ISY1: variants seen among roughly 807,000 people sequenced by gnomAD.
ISY1 encodes the protein pre-mRNA-splicing factor ISY1 homolog.
ISY1 carries 12 observed loss-of-function variants against 54.4 expected under a neutral mutation model. The ratio of observed to expected loss-of-function variants is 0.22; its 90% CI spans 0.14 to 0.36. ISY1 has a LOEUF of 0.36. ISY1 is among the 10% of genes least tolerant of loss of function. The pLI, the probability that ISY1 is intolerant of heterozygous loss-of-function variation, is 1.00. For synonymous variants in ISY1, 96 were observed against 117.9 expected, an observed-to-expected ratio of 0.81 and a Z score of 1.20; for missense variants, 282 against 342.2, an observed-to-expected ratio of 0.82 and a Z score of 1.39.
At chr3:129,139,236 T>A (rs891756039) in intron 7 of ISY1, among the ~76,000 whole-genome samples, 1 of 151,982 alleles carries the variant, frequency 6.6e-6, no homozygotes, top group South Asian at 2.1e-4. Context: ...CGCCTGGCTA[T>A]AACTCCTCTG....
chr3:129,159,269 C>T (rs769271959), intron 1 of ISY1, 93 bp from the exon 2 acceptor site: 2 of 1,503,450 alleles, frequency 1.3e-6, no homozygotes, highest in African/African-American at 2.8e-5. Flanking sequence ...TACAAGAATA[C>T]AATCACAAGC....
intron 7 of ISY1, among the ~76,000 whole-genome samples, chr3:129,135,293 G>A (rs1039914152): frequency 2.6e-5 from 4 of 151,934 alleles, no homozygotes; most frequent in Non-Finnish European, 5.9e-5. Context: ...GCAGTGAGCC[G>A]AGATCACGCC....
In ISY1 at chr3:129,145,224, A is replaced by AT. The variant is rs35391482; in HGVS notation, c.300+536dup. On this transcript the variant is annotated intron_variant, in intron 6 of 10. Transcript: ENST00000393295. ...CTGCACCCAGTGAAGGACCATAGTC[A>AT]TTTTTTTTTTTTTTTTTGAAGACAG... Among the ~76,000 whole-genome samples the AT allele has an allele frequency of 1.5e-3, 205 of 137,356 alleles. 3 individuals carry two copies. Among genetic ancestry groups the AT allele is most frequent in the African/African-American group, 5.1e-3 (191 of 37,536 alleles). The allele number at this position is 137,356 out of a possible 152,430, so 90.1% of individuals were successfully genotyped here. A position where few individuals can be genotyped will look rare whatever the true frequency, so the allele number is the denominator to read the frequency against.
intron 9 of ISY1, 148 bp downstream of exon 9, chr3:129,133,926 T>A: frequency 1.4e-6 from 2 of 1,394,952 alleles, no homozygotes; most frequent in Non-Finnish European, 1.9e-6. Flanking sequence ...CCTCCTGTAA[T>A]CTCGCAAGTG....
intron 1 of ISY1, 123 bp from the exon 2 acceptor site, chr3:129,159,299 A>G: frequency 7.9e-7 from 1 of 1,258,820 alleles, no homozygotes; most frequent in Non-Finnish European, 1.1e-6. Flanking sequence ...GAAGTACTAT[A>G]TGAACAACAA....
chr3:129,134,750 G>A, intron 8 of ISY1, 82 bp downstream of exon 8: 3 of 1,484,842 alleles, frequency 2.0e-6, no homozygotes, highest in South Asian at 2.5e-5. Context: ...CTGGCATAAA[G>A]CACTATTGAA....
rs200072498 is a variant in ISY1 at position 129,155,201 on chromosome 3, T to TTTTGTTTG, written c.187+1424_187+1431dup. 4.6e-5 allele frequency among the ~76,000 whole-genome samples: 7 copies of TTTTGTTTG among 151,616 alleles called. No individual in the cohort carries two copies. The East Asian group carries it at 5.8e-4, about 13-fold the overall frequency. ...ATTATTTCAGTGCTATATATGTATT[T>TTTTGTTTG]TTTGTTTGTTTGTTTGTTTGTTTGT... On this transcript the variant is annotated intron_variant, in intron 5 of 10. Coordinates refer to ENST00000393295, the MANE Select transcript of ISY1 (RefSeq NM_020701.4).
rs1477296009 is a variant in ISY1 at position 129,127,723 on chromosome 3, T to C, written c.*2358A>G. On this transcript the variant is annotated 3_prime_UTR_variant, in exon 11 of 11. Transcript: ENST00000393295. ...TGTGGAATTCTAATCCCTGGCCAGT[T>C]TGCATCCCGGGGATCCCTGAAGAGA... 1 of 152,152 alleles carries C rather than the reference T, an allele frequency of 6.6e-6. No homozygotes were observed. The highest frequency in any genetic ancestry group is 2.4e-5 in the African/African-American group (1 of 41,384). 9.4% of individuals were successfully genotyped at this position (152,152 alleles called of 1,614,324 possible).
intron 1 of ISY1, among the ~76,000 whole-genome samples, chr3:129,159,927 T>G (rs1269098376): frequency 6.6e-6 from 1 of 152,178 alleles, no homozygotes; most frequent in Non-Finnish European, 1.5e-5. Context: ...TTTGAGATTC[T>G]CCCCTTCAAC....
At chr3:129,130,846 T>C in intron 9 of ISY1, 1 of 442,864 alleles carries the variant, frequency 2.3e-6, no homozygotes, top group Non-Finnish European at 3.9e-6. Context: ...AAGGAGGAAA[T>C]AAGAATAGAA....
chr3:129,159,002 G>C, intron 2 of ISY1, 152 bp downstream of exon 2: 1 of 1,018,954 alleles, frequency 9.8e-7, no homozygotes, highest in South Asian at 1.5e-5. Context: ...GCAAAAACAG[G>C]AATGTTTTTG....
intron 3 of ISY1, among the ~76,000 whole-genome samples, chr3:129,158,004 G>A (rs1182417828): frequency 6.6e-6 from 1 of 152,006 alleles, no homozygotes; most frequent in East Asian, 1.9e-4. Context: ...GATTACAGGT[G>A]CCTGCCACCA....
At chr3:129,160,707 G>C (rs1040850906) in intron 1 of ISY1, among the ~76,000 whole-genome samples, 2 of 152,134 alleles carry the variant, frequency 1.3e-5, no homozygotes, top group Admixed American at 6.6e-5. Flanking sequence ...GTGCTTCTCT[G>C]TGTCTTAATT....
chr3:129,130,275 G>C (rs961685972), intron 10 of ISY1, 87 bp from the exon 11 acceptor site: 8 of 1,486,472 alleles, frequency 5.4e-6, no homozygotes, highest in African/African-American at 1.4e-5. Context: ...CCCCGTGGGA[G>C]AAGTCCATCA....
At chr3:129,151,399 C>T (rs188935067) in intron 5 of ISY1, among the ~76,000 whole-genome samples, 225 of 151,310 alleles carry the variant, frequency 1.5e-3, no homozygotes, top group African/African-American at 5.0e-3. Context: ...GAGGCAGAGG[C>T]GGGTGGATCA....
chr3:129,149,713 G>A (rs1490062127), intron 5 of ISY1, among the ~76,000 whole-genome samples: 3 of 126,902 alleles, frequency 2.4e-5, no homozygotes, highest in African/African-American at 5.9e-5. Context: ...CAGGCGAATC[G>A]CTTAAACCCT....
At chr3:129,136,047 T>C (rs1268773249) in intron 7 of ISY1, among the ~76,000 whole-genome samples, 2 of 150,552 alleles carry the variant, frequency 1.3e-5, no homozygotes, top group East Asian at 3.9e-4. Flanking sequence ...AAAAGATACA[T>C]GAGAAAGCCC....
At chr3:129,148,643 C>A (rs751370721) in intron 5 of ISY1, among the ~76,000 whole-genome samples, 1 of 152,190 alleles carries the variant, frequency 6.6e-6, no homozygotes, top group Admixed American at 6.6e-5. Context: ...CAGCTCACTG[C>A]GACCTCTGCC....
chr3:129,133,204 C>A (rs948985261), intron 9 of ISY1, among the ~76,000 whole-genome samples: 1 of 152,172 alleles, frequency 6.6e-6, no homozygotes, highest in Non-Finnish European at 1.5e-5. Flanking sequence ...GTAGCACAGA[C>A]AGATATGTCA....
Sources: allele counts gnomAD v4.1 joint callset (sites outside exome capture counted in the v4.1 genomes callset), GRCh38; gene constraint gnomAD v4.1.1; transcripts MANE v1.5; gene names NCBI Gene and HGNC (gene_info 2026-07-23, HGNC 2026-07-21).